Variants in CHCT1 observed in about 807,000 individuals in gnomAD.
CHCT1 encodes CHD1 helical C-terminal domain containing 1.
the CHCT1 span, chr17:60,429,610 G>A: frequency 4.5e-6 from 7 of 1,559,158 alleles, no homozygotes; most frequent in Non-Finnish European, 6.1e-6. Flanking sequence ...TTTGTGAGTG[G>A]TGTCTGGGTG....
At chr17:60,429,653 C>A in the CHCT1 span, 5 of 1,255,306 alleles carry the variant, frequency 4.0e-6, no homozygotes, top group Non-Finnish European at 5.5e-6. Context: ...AGCCGGGAGC[C>A]TCTGCCCCCA....
the CHCT1 span, chr17:60,421,380 C>T: frequency 1.0e-6 from 1 of 985,512 alleles, no homozygotes; most frequent in Non-Finnish European, 1.2e-6. Context: ...TACTTGAAGC[C>T]GCTATGCCCC....
the CHCT1 span, among the ~76,000 whole-genome samples, chr17:60,423,099 C>A: frequency 5.9e-5 from 9 of 152,126 alleles, no homozygotes; most frequent in Non-Finnish European, 1.3e-4. Flanking sequence ...TTCTGAGAAG[C>A]TTTTGAAAGG....
the CHCT1 span, among the ~76,000 whole-genome samples, chr17:60,424,905 TC>T: frequency 1.3e-5 from 2 of 151,898 alleles, no homozygotes; most frequent in African/African-American, 4.8e-5. Flanking sequence ...ACAAGGATAC[TC>T]CCTTAACTGC....
the CHCT1 span, chr17:60,422,568 G>C: frequency 6.5e-7 from 1 of 1,550,016 alleles, no homozygotes; most frequent in Non-Finnish European, 8.7e-7. Flanking sequence ...GTGCCACCCT[G>C]GAGCCTACCG....
At chr17:60,428,406 G>C in the CHCT1 span, among the ~76,000 whole-genome samples, 1 of 151,710 alleles carries the variant, frequency 6.6e-6, no homozygotes, top group African/African-American at 2.4e-5. Context: ...AACGATTGGA[G>C]AACTTCAATG....
chr17:60,428,777 G>A, the CHCT1 span, among the ~76,000 whole-genome samples: 10 of 151,652 alleles, frequency 6.6e-5, no homozygotes, highest in South Asian at 2.1e-4. Context: ...ATGAGCCACC[G>A]CACCAGGCCG....
the CHCT1 span, chr17:60,422,021 AC>A: frequency 1.1e-6 from 1 of 880,708 alleles, no homozygotes; most frequent in Non-Finnish European, 1.4e-6. Flanking sequence ...AGTACCCAGC[AC>A]CCAGCACCCA....
the CHCT1 span, chr17:60,426,102 C>A: frequency 6.6e-7 from 1 of 1,508,408 alleles, no homozygotes; most frequent in East Asian, 2.5e-5. Flanking sequence ...ATACCTGGGA[C>A]TGCCCATCTG....
At chr17:60,421,801 C>A in the CHCT1 span, 2 of 958,712 alleles carry the variant, frequency 2.1e-6, no homozygotes, top group Non-Finnish European at 2.5e-6. Context: ...TAGGAAGAGT[C>A]GGGGTGGCGG....
At chr17:60,422,510 G>A in the CHCT1 span, 5 of 1,541,632 alleles carry the variant, frequency 3.2e-6, no homozygotes, top group Non-Finnish European at 4.4e-6. Context: ...TCCCTGAGAC[G>A]GCTAGGTCAC....
chr17:60,427,112 A>G, the CHCT1 span, among the ~76,000 whole-genome samples: 1 of 152,194 alleles, frequency 6.6e-6, no homozygotes, highest in African/African-American at 2.4e-5. Flanking sequence ...TTACACAGCA[A>G]GTTTATGGAA....
the CHCT1 span, among the ~76,000 whole-genome samples, chr17:60,425,331 G>A: frequency 3.2e-3 from 485 of 152,194 alleles, 5 homozygotes; most frequent in African/African-American, 0.011. Context: ...ACAGGTGCAC[G>A]CCACCATGCC....
chr17:60,422,980 T>C, the CHCT1 span, among the ~76,000 whole-genome samples: 2 of 152,064 alleles, frequency 1.3e-5, no homozygotes, highest in African/African-American at 4.8e-5. Flanking sequence ...TGGAGGAGCC[T>C]GTGTCCCATC....
the CHCT1 span, chr17:60,422,601 C>T: frequency 6.4e-7 from 1 of 1,550,440 alleles, no homozygotes. Flanking sequence ...AGATGGAGGC[C>T]TCAGATGGGC....
chr17:60,426,443 G>A, the CHCT1 span: 4 of 1,269,514 alleles, frequency 3.2e-6, no homozygotes, highest in Non-Finnish European at 2.1e-6. Flanking sequence ...TTTATGTGGA[G>A]GAGTCAAGAG....
chr17:60,425,960 C>G, the CHCT1 span: 1 of 1,369,056 alleles, frequency 7.3e-7, no homozygotes, highest in Non-Finnish European at 1.0e-6. Flanking sequence ...AAATGGCAGG[C>G]CTCAGACCCA....
the CHCT1 span, chr17:60,422,287 A>G: frequency 2.3e-6 from 1 of 442,110 alleles, no homozygotes; most frequent in Non-Finnish European, 3.9e-6. Flanking sequence ...TTCTTGGGAG[A>G]AGGGGCGCCA....
chr17:60,424,703 G>T, the CHCT1 span, among the ~76,000 whole-genome samples: 3 of 151,898 alleles, frequency 2.0e-5, no homozygotes, highest in Non-Finnish European at 4.4e-5. Context: ...GGCCAACATG[G>T]TCTCTACTAA....
Sources: gnomAD v4.1 joint callset for allele counts (sites outside exome capture counted in the v4.1 genomes callset) on GRCh38, gnomAD v4.1.1 for gene constraint, MANE v1.5 for transcripts, NCBI Gene and HGNC (gene_info 2026-07-23, HGNC 2026-07-21) for gene names.